The following SPARCL1 variants were observed in gnomAD, a reference collection of about 807,000 sequenced individuals.
SPARCL1 encodes the protein SPARC like 1.
SPARCL1 carries 52 observed loss-of-function variants against 67.1 expected under a neutral mutation model. That is an observed-to-expected ratio of 0.78 (90% CI 0.62 to 0.98). SPARCL1 has a LOEUF of 0.98. SPARCL1 is among the 50% of genes least tolerant of loss of function. SPARCL1 has a pLI of 0.00. For synonymous variants in SPARCL1, 226 were observed against 267.8 expected, an observed-to-expected ratio of 0.84 and a Z score of 1.52; for missense variants, 717 against 782.4, an observed-to-expected ratio of 0.92 and a Z score of 1.00.
intron 4 of SPARCL1, among the ~76,000 whole-genome samples, 167 bp from the exon 5 acceptor site, chr4:87,491,857 C>A (rs1280063559): frequency 6.6e-6 from 1 of 151,812 alleles, no homozygotes; most frequent in Non-Finnish European, 1.5e-5. Flanking sequence ...GTAATCCCAG[C>A]ACTTTGGGAG....
chr4:87,490,198 A>G, intron 7 of SPARCL1, 75 bp downstream of exon 7: 1 of 1,438,832 alleles, frequency 7.0e-7, no homozygotes, highest in Non-Finnish European at 9.2e-7. Context: ...GTTTGCATAT[A>G]GATAATTCAG....
chr4:87,519,034 T>C (rs755776574), intron 1 of SPARCL1, among the ~76,000 whole-genome samples: 1 of 152,138 alleles, frequency 6.6e-6, no homozygotes, highest in Non-Finnish European at 1.5e-5. Flanking sequence ...ATTCTTCTGA[T>C]TTTTGTATAT....
In SPARCL1 at chr4:87,479,482, C is replaced by T. The variant is rs2110211723; in HGVS notation, c.1914G>A (p.Lys638=). ...ACTCCTTCAGGGTGATGTGCTTATCCTTGTTGGGGTCACACTCCTCAAAGA... is the reference window on the plus strand; with the variant it reads ...ACTCCTTCAGGGTGATGTGCTTATCTTTGTTGGGGTCACACTCCTCAAAGA... ...TRFFEECDPN[K]DKHITLKEWG... is the part of the protein sequence containing the mutation. The change falls in exon 10 of 11, where the codon AAG becomes AAA. Residue 638 remains lysine (K), a synonymous_variant. Coordinates refer to ENST00000282470, the MANE Select transcript of SPARCL1 (RefSeq NM_004684.6). 1 of 1,614,020 alleles carries T rather than the reference C, an allele frequency of 6.2e-7. No homozygotes were observed. The highest frequency in any genetic ancestry group is 8.5e-7 in the Non-Finnish European group (1 of 1,180,010).
chr4:87,473,827 T>C (rs2110206084), intron 10 of SPARCL1, 24 bp from the exon 11 acceptor site: 1 of 1,578,838 alleles, frequency 6.3e-7, no homozygotes, highest in South Asian at 1.1e-5. Context: ...AGAAGCAAAA[T>C]GACACTTTTA....
intron 4 of SPARCL1, among the ~76,000 whole-genome samples, chr4:87,493,248 G>C (rs1392255263): frequency 6.6e-6 from 1 of 152,168 alleles, no homozygotes; most frequent in East Asian, 1.9e-4. Context: ...TCGCCAAATG[G>C]AATACTTCTG....
At chr4:87,519,851 T>C (rs963817526) in intron 1 of SPARCL1, among the ~76,000 whole-genome samples, 1 of 152,190 alleles carries the variant, frequency 6.6e-6, no homozygotes, top group African/African-American at 2.4e-5. Flanking sequence ...TTTAGGAATT[T>C]AGGATGACCC....
intron 1 of SPARCL1, among the ~76,000 whole-genome samples, chr4:87,527,182 AG>A (rs1225689601): frequency 6.6e-6 from 1 of 152,234 alleles, no homozygotes; most frequent in African/African-American, 2.4e-5. Flanking sequence ...GGCTAGCCCT[AG>A]GTAATGCTAT....
Position 87,505,463 on chromosome 4 carries a change from C to G in SPARCL1, c.-11-5878G>C, listed in dbSNP as rs189738042. On this transcript the variant is annotated intron_variant, in intron 1 of 10. Coordinates refer to ENST00000282470, the MANE Select transcript of SPARCL1 (RefSeq NM_004684.6). ...CATTGAAAAACGCAGTTTCTTTCCTCTACATTTTAAATTCAATGTTTACTT... is the reference window on the plus strand; with the variant it reads ...CATTGAAAAACGCAGTTTCTTTCCTGTACATTTTAAATTCAATGTTTACTT... Among the ~76,000 whole-genome samples, 12 of 152,186 alleles carry G rather than the reference C, an allele frequency of 7.9e-5. No individual in the cohort carries two copies. In the East Asian group the frequency reaches 2.3e-3, roughly 29 times the overall value.
chr4:87,509,180 G>A (rs1725244775), intron 1 of SPARCL1, among the ~76,000 whole-genome samples: 2 of 151,614 alleles, frequency 1.3e-5, no homozygotes. Flanking sequence ...TTTAAATTAG[G>A]TAGTTGATAA....
At chr4:87,490,688 C>T (rs1165590383) in intron 6 of SPARCL1, 72 bp downstream of exon 6, 1 of 1,086,952 alleles carries the variant, frequency 9.2e-7, no homozygotes, top group African/African-American at 1.6e-5. Flanking sequence ...GCAAAAATTT[C>T]AATGGCAAAT....
At chr4:87,502,544 A>G (rs1724895480) in intron 1 of SPARCL1, among the ~76,000 whole-genome samples, 3 of 152,112 alleles carry the variant, frequency 2.0e-5, no homozygotes, top group African/African-American at 7.2e-5. Context: ...TATTTCCCGA[A>G]GGCTTCTTTT....
At position 87,473,566 on chromosome 4, in the gene SPARCL1, T is replaced by C. The variant is rs1578089333; in HGVS notation, c.*209A>G. 2.2e-6 allele frequency: 1 copy of C among 447,220 alleles called. No homozygotes were observed. Among genetic ancestry groups the C allele is most frequent in the East Asian group, 3.5e-5 (1 of 28,422 alleles). The allele number at this position is 447,220 out of a possible 1,614,324, so 27.7% of individuals were successfully genotyped here. A position where few individuals can be genotyped will look rare whatever the true frequency, so the allele number is the denominator to read the frequency against. On this transcript the variant is annotated 3_prime_UTR_variant, in exon 11 of 11. Transcript: ENST00000282470. ...CACAATGTACAGTATTTTGCATATG[T>C]TGACTTTACTTAATTGTACATTTTT...
At position 87,520,960 on chromosome 4, in the gene SPARCL1, A is replaced by G. The variant is rs536624308; in HGVS notation, c.-12+8085T>C. On this transcript the variant is annotated intron_variant, in intron 1 of 10. Coordinates refer to ENST00000282470, the MANE Select transcript of SPARCL1 (RefSeq NM_004684.6). ...GGTGTCTAAAGTTTGGCATACACTA[A>G]AACACAAAAACATCATTCTCCGTCT... Among the ~76,000 whole-genome samples, 52 of 152,350 alleles carry G rather than the reference A, an allele frequency of 3.4e-4. 1 individual carries two copies. Among genetic ancestry groups the G allele is most frequent in the African/African-American group, 1.2e-3 (50 of 41,580 alleles).
intron 1 of SPARCL1, among the ~76,000 whole-genome samples, chr4:87,514,238 T>G (rs955668829): frequency 1.3e-5 from 2 of 152,234 alleles, no homozygotes; most frequent in Non-Finnish European, 2.9e-5. Context: ...TATTCTCAGG[T>G]AAGAGGTATG....
At chr4:87,512,412 C>A (rs371622641) in intron 1 of SPARCL1, among the ~76,000 whole-genome samples, 2 of 152,236 alleles carry the variant, frequency 1.3e-5, no homozygotes, top group East Asian at 3.9e-4. Flanking sequence ...TGATGTGGGC[C>A]TTAACCTTGT....
At position 87,492,460 on chromosome 4, in the gene SPARCL1, A is replaced by G. The variant is rs537060864; in HGVS notation, c.1219-770T>C. Among the ~76,000 whole-genome samples, 7 of 152,262 alleles carry G rather than the reference A, an allele frequency of 4.6e-5. No individual in the cohort carries two copies. The East Asian group carries it at 1.2e-3, about 25-fold the overall frequency. On this transcript the variant is annotated intron_variant, in intron 4 of 10. Transcript: ENST00000282470. ...AAAAAAGAAAGGGAAATCAGTCACA[A>G]CTGTGGAGGTAGACAGTAACCCTTG...
chr4:87,512,334 A>G (rs971490499), intron 1 of SPARCL1, among the ~76,000 whole-genome samples: 5 of 152,158 alleles, frequency 3.3e-5, no homozygotes, highest in Admixed American at 2.6e-4. Context: ...GATAAAGGGT[A>G]AGAGAGGAGA....
Position 87,482,357 on chromosome 4 carries a change from C to G in SPARCL1, c.1668+67G>C, listed in dbSNP as rs553358149. ...CAGTATGCAGAGGTAGGTAGCCCCC[C>G]CACCACGTCTTTCTTCCTCATGCCC... is the stretch of plus-strand genomic sequence containing the variant. On this transcript the variant is annotated intron_variant, in intron 8 of 10. Transcript: ENST00000282470. 353 of 1,559,516 alleles carry G rather than the reference C, an allele frequency of 2.3e-4. No individual in the cohort carries two copies. In the East Asian group the frequency reaches 4.0e-3, roughly 18 times the overall value.
intron 1 of SPARCL1, among the ~76,000 whole-genome samples, chr4:87,519,717 G>A (rs537171172): frequency 2.6e-5 from 4 of 152,252 alleles, no homozygotes; most frequent in Admixed American, 2.6e-4. Flanking sequence ...GATTTGAATA[G>A]AATGTGGTTA....
Sources: allele counts gnomAD v4.1 joint callset (sites outside exome capture counted in the v4.1 genomes callset), GRCh38; gene constraint gnomAD v4.1.1; transcripts MANE v1.5; gene names NCBI Gene and HGNC (gene_info 2026-07-23, HGNC 2026-07-21).